Variants in SEMA5A observed in about 807,000 individuals in gnomAD.
SEMA5A encodes the protein semaphorin 5A, also known as semaphorin-5A.
In SEMA5A, 55 loss-of-function variants were observed where a neutral mutation model predicts 135.5. That is an observed-to-expected ratio of 0.41 (90% CI 0.33 to 0.51). SEMA5A has a LOEUF of 0.51. SEMA5A is among the 20% of genes least tolerant of loss of function. The probability of loss-of-function intolerance (pLI) is 0.37; values close to 1 mark genes in which losing one functional copy is unlikely to be tolerated. For synonymous variants in SEMA5A, 580 were observed against 546.5 expected (o/e 1.06, Z -0.85); for missense variants, 1,290 against 1,419.9 (o/e 0.91, Z 1.47).
chr5:9,270,047 T>C (rs1749889810), intron 5 of SEMA5A, among the ~76,000 whole-genome samples: 1 of 152,116 alleles, frequency 6.6e-6, no homozygotes, highest in South Asian at 2.1e-4. Context: ...CAATTATTAA[T>C]ACATGCAAGG....
At chr5:9,245,878 G>A (rs1401222403) in intron 5 of SEMA5A, among the ~76,000 whole-genome samples, 1 of 152,124 alleles carries the variant, frequency 6.6e-6, no homozygotes, top group Non-Finnish European at 1.5e-5. Flanking sequence ...TTTTGGGGCT[G>A]GACCTGGGGT....
chr5:9,274,506 A>C (rs1478808749), intron 5 of SEMA5A, among the ~76,000 whole-genome samples: 1 of 152,158 alleles, frequency 6.6e-6, no homozygotes, highest in Non-Finnish European at 1.5e-5. Flanking sequence ...AGAACTCTCC[A>C]CACCAAATCA....
chr5:9,349,045 C>T (rs1438689410), intron 3 of SEMA5A, among the ~76,000 whole-genome samples: 1 of 152,210 alleles, frequency 6.6e-6, no homozygotes, highest in Non-Finnish European at 1.5e-5. Flanking sequence ...AGCTTCTAAT[C>T]TAAGCCACTA....
At chr5:9,414,167 C>T (rs11134353) in intron 2 of SEMA5A, among the ~76,000 whole-genome samples, 119,544 of 152,100 alleles carry the variant, frequency 0.79, 47,268 homozygotes, top group Middle Eastern at 0.85. Context: ...TATAAACAGA[C>T]GTTATTATAA....
intron 5 of SEMA5A, among the ~76,000 whole-genome samples, chr5:9,239,537 G>T (rs1748088648): frequency 6.6e-6 from 1 of 151,972 alleles, no homozygotes; most frequent in Admixed American, 6.6e-5. Context: ...TCCTTTCTTA[G>T]ATCTCTTTAC....
In SEMA5A at chr5:9,536,470, G is replaced by A. The variant is rs569521076; in HGVS notation, c.-175+9114C>T. ...TCTACTAAAAATACAAAAATTAGCT[G>A]GGCATGATGGTGCATGCTTGTATTC... On this transcript the variant is annotated intron_variant, in intron 1 of 22. Coordinates refer to ENST00000382496, the MANE Select transcript of SEMA5A (RefSeq NM_003966.3). Among the ~76,000 whole-genome samples the A allele has an allele frequency of 3.3e-5, 5 of 152,164 alleles. No individual in the cohort carries two copies. The East Asian group carries it at 9.7e-4, about 29-fold the overall frequency.
chr5:9,417,382 C>T (rs1485751083), intron 2 of SEMA5A, among the ~76,000 whole-genome samples: 3 of 152,218 alleles, frequency 2.0e-5, no homozygotes, highest in Non-Finnish European at 4.4e-5. Flanking sequence ...ACTAACTTTT[C>T]TAAAATTTCT....
At chr5:9,398,716 T>A (rs508788) in intron 2 of SEMA5A, among the ~76,000 whole-genome samples, 35,982 of 152,154 alleles carry the variant, frequency 0.24, 4,900 homozygotes, top group East Asian at 0.45. Flanking sequence ...GTGTCTAATG[T>A]CATGAAAAAC....
At chr5:9,509,495 G>A (rs995494947) in intron 1 of SEMA5A, among the ~76,000 whole-genome samples, 1 of 151,724 alleles carries the variant, frequency 6.6e-6, no homozygotes, top group African/African-American at 2.4e-5. Context: ...GGCTGGTCTC[G>A]AACCCCTGAC....
intron 3 of SEMA5A, among the ~76,000 whole-genome samples, chr5:9,357,766 C>T (rs908702083): frequency 2.6e-5 from 4 of 152,168 alleles, no homozygotes; most frequent in African/African-American, 7.2e-5. Flanking sequence ...GTGAGCACTC[C>T]AAAGCCCCAT....
intron 1 of SEMA5A, among the ~76,000 whole-genome samples, chr5:9,537,767 T>TGTTC (rs1737848109): frequency 6.6e-6 from 1 of 152,148 alleles, no homozygotes; most frequent in East Asian, 1.9e-4. Flanking sequence ...AACAAGTAAC[T>TGTTC]AGAAATACTG....
intron 18 of SEMA5A, among the ~76,000 whole-genome samples, chr5:9,059,913 T>A (rs1236997824): frequency 6.6e-6 from 1 of 152,236 alleles, no homozygotes; most frequent in African/African-American, 2.4e-5. Context: ...AGTGTCCATT[T>A]GTAATTGTCC....
chr5:9,123,442 G>A (rs1287410801), intron 13 of SEMA5A, among the ~76,000 whole-genome samples: 1 of 151,116 alleles, frequency 6.6e-6, no homozygotes, highest in East Asian at 1.9e-4. Context: ...AGGAGGGGGA[G>A]GAGGAGGAAA....
rs910672726 is a variant in SEMA5A at position 9,258,590 on chromosome 5, G to C, written c.271-20700C>G. Among the ~76,000 whole-genome samples, 4 of 152,086 alleles carry C rather than the reference G, an allele frequency of 2.6e-5. No individual in the cohort carries two copies. The South Asian group carries it at 8.3e-4, about 32-fold the overall frequency. On this transcript the variant is annotated intron_variant, in intron 5 of 22. Coordinates refer to ENST00000382496, the MANE Select transcript of SEMA5A (RefSeq NM_003966.3). ...GAACAAAGAGCTGGGCTGAATCCTGGTGATGAGATTTACTCAAGTCTTTTT... is the reference window on the plus strand; with the variant it reads ...GAACAAAGAGCTGGGCTGAATCCTGCTGATGAGATTTACTCAAGTCTTTTT...
chr5:9,382,732 A>T (rs2126491921), intron 2 of SEMA5A, among the ~76,000 whole-genome samples: 1 of 152,326 alleles, frequency 6.6e-6, no homozygotes, highest in Admixed American at 6.5e-5. Flanking sequence ...GCATGTATGA[A>T]TTTGCAAAGG....
chr5:9,481,050 A>G (rs1759858382), intron 1 of SEMA5A, among the ~76,000 whole-genome samples: 1 of 152,058 alleles, frequency 6.6e-6, no homozygotes, highest in Non-Finnish European at 1.5e-5. Flanking sequence ...AGTTCAAGCG[A>G]TTCTCCTGCC....
intron 1 of SEMA5A, among the ~76,000 whole-genome samples, chr5:9,520,491 G>T (rs1168231142): frequency 1.3e-5 from 2 of 152,092 alleles, no homozygotes; most frequent in African/African-American, 4.8e-5. Context: ...GTGGGTAGGG[G>T]GAGGACAGGA....
chr5:9,268,768 A>AT (rs1483246749), intron 5 of SEMA5A, among the ~76,000 whole-genome samples: 10 of 152,158 alleles, frequency 6.6e-5, no homozygotes, highest in African/African-American at 2.4e-4. Flanking sequence ...GATTGCTGTA[A>AT]TTTATCATAA....
chr5:9,071,831 A>T (rs1311819666), intron 16 of SEMA5A, among the ~76,000 whole-genome samples: 1 of 152,214 alleles, frequency 6.6e-6, no homozygotes. Flanking sequence ...CTCTTTCAGT[A>T]ACTAAGCTTG....
Sources: gnomAD v4.1 joint callset for allele counts (sites outside exome capture counted in the v4.1 genomes callset) on GRCh38, gnomAD v4.1.1 for gene constraint, MANE v1.5 for transcripts, NCBI Gene and HGNC (gene_info 2026-07-23, HGNC 2026-07-21) for gene names.